PPHLN1: variants seen among roughly 807,000 people sequenced by gnomAD.
PPHLN1 encodes the protein periphilin-1.
Under a neutral mutation model 51.3 loss-of-function variants are expected in PPHLN1, and 29 were observed. The ratio of observed to expected loss-of-function variants is 0.57; its 90% CI spans 0.42 to 0.77. The LOEUF (loss-of-function observed/expected upper bound fraction) is 0.77, where lower values mean the gene tolerates loss of function less well. Ranked by LOEUF, PPHLN1 falls within the 30% of genes least tolerant of loss-of-function variation. The pLI, the probability that PPHLN1 is intolerant of heterozygous loss-of-function variation, is 0.00. For missense variants in PPHLN1, 436 were observed against 438.4 expected (o/e 0.99, Z 0.05); for synonymous variants, 147 against 147.8 (o/e 0.99, Z 0.04).
chr12:42,444,770 T>G (rs985930792), downstream of PPHLN1: 3 of 401,578 alleles, frequency 7.5e-6, no homozygotes, highest in Non-Finnish European at 1.3e-5. Flanking sequence ...CCCTTCCTGC[T>G]GACAAACTAC....
At chr12:42,350,486 C>G (rs550211416) in intron 2 of PPHLN1, among the ~76,000 whole-genome samples, 1 of 147,958 alleles carries the variant, frequency 6.8e-6, no homozygotes, top group South Asian at 2.2e-4. Flanking sequence ...CCAGAGTGGG[C>G]GACTGGGCAG....
downstream of PPHLN1, chr12:42,446,773 A>G: frequency 1.1e-6 from 1 of 888,772 alleles, no homozygotes; most frequent in East Asian, 2.7e-5. Context: ...GAGGTTTTCC[A>G]AAGCTTCAGG....
intron 6 of PPHLN1, among the ~76,000 whole-genome samples, chr12:42,386,314 A>G (rs75602075): frequency 0.01 from 1,550 of 152,318 alleles, 14 homozygotes; most frequent in Non-Finnish European, 0.015. Context: ...GGGAGGTGCA[A>G]AATTGTCCTC....
At chr12:42,388,935 C>G (rs75264858) in intron 7 of PPHLN1, among the ~76,000 whole-genome samples, 194 of 152,226 alleles carry the variant, frequency 1.3e-3, no homozygotes, top group African/African-American at 4.5e-3. Flanking sequence ...GAGCAAGATG[C>G]TGTCTCTGAA....
chr12:42,392,617 ATAAT>A (rs1021028851), intron 7 of PPHLN1, among the ~76,000 whole-genome samples: 3 of 152,242 alleles, frequency 2.0e-5, no homozygotes, highest in African/African-American at 7.2e-5. Flanking sequence ...CCCTAAGGAA[ATAAT>A]TTTTAAATTT....
intron 7 of PPHLN1, 84 bp from the exon 8 acceptor site, chr12:42,393,485 TA>T (rs1439926122): frequency 1.5e-6 from 2 of 1,319,110 alleles, no homozygotes; most frequent in African/African-American, 3.0e-5. Flanking sequence ...TATATGATTT[TA>T]AATGTAAGTG....
intron 9 of PPHLN1, among the ~76,000 whole-genome samples, chr12:42,433,892 TC>T (rs1490263245): frequency 2.6e-5 from 4 of 152,168 alleles, no homozygotes; most frequent in Non-Finnish European, 4.4e-5. Flanking sequence ...GATATTACTA[TC>T]TATATGTATC....
At chr12:42,344,708 ATTTT>A (rs35335129) in intron 2 of PPHLN1, among the ~76,000 whole-genome samples, 4 of 134,090 alleles carry the variant, frequency 3.0e-5, no homozygotes, top group African/African-American at 1.1e-4. Flanking sequence ...AACAGTGTGG[ATTTT>A]TTTTTTTTTT....
At chr12:42,385,386 T>C (rs2077109369) in intron 6 of PPHLN1, among the ~76,000 whole-genome samples, 1 of 152,240 alleles carries the variant, frequency 6.6e-6, no homozygotes, top group Non-Finnish European at 1.5e-5. Flanking sequence ...TATGAATATA[T>C]GTGGGTATAT....
chr12:42,415,995 A>G (rs2080346842), intron 9 of PPHLN1, among the ~76,000 whole-genome samples: 1 of 152,240 alleles, frequency 6.6e-6, no homozygotes, highest in African/African-American at 2.4e-5. Flanking sequence ...ACATTTGATC[A>G]GACTCTTAAA....
intron 9 of PPHLN1, among the ~76,000 whole-genome samples, chr12:42,406,240 T>C (rs889847800): frequency 4.1e-4 from 63 of 152,018 alleles, no homozygotes; most frequent in Admixed American, 3.1e-3. Context: ...CCCGCCACCA[T>C]GCCCGGCTAA....
At chr12:42,397,313 T>C (rs749221426) in intron 8 of PPHLN1, among the ~76,000 whole-genome samples, 6 of 152,356 alleles carry the variant, frequency 3.9e-5, no homozygotes, top group South Asian at 4.1e-4. Flanking sequence ...TTATATTTCA[T>C]TGATGACCTT....
At position 42,352,009 on chromosome 12, in the gene PPHLN1, G is replaced by C. The variant is rs773142845; in HGVS notation, c.197G>C (p.Ser66Thr). 1 of 1,549,520 alleles carries C rather than the reference G, an allele frequency of 6.5e-7. No homozygotes were observed. The highest frequency in any genetic ancestry group is 1.4e-5 in the African/African-American group (1 of 70,894). The change falls in exon 3 of 10, where the codon AGT (serine) becomes ACT (threonine). Residue 66 changes from serine to threonine, a missense_variant. Physicochemically the swap from Ser to Thr is moderately conservative, Grantham distance 58. Coordinates refer to ENST00000358314, the MANE Select transcript of PPHLN1 (RefSeq NM_201439.2). Reference sequence around the variant, plus strand: ...TACCGAGACTATGACGAGGGCCGCAGTTTTTCTCATGATCGAAGAAGTGGT... The same window carrying C: ...TACCGAGACTATGACGAGGGCCGCACTTTTTCTCATGATCGAAGAAGTGGT... Reference protein sequence around the residue: ...VDYRDYDEGRSFSHDRRSGPP... With the variant: ...VDYRDYDEGRTFSHDRRSGPP...
intron 7 of PPHLN1, among the ~76,000 whole-genome samples, chr12:42,389,156 A>G (rs1261964183): frequency 6.6e-6 from 1 of 151,732 alleles, no homozygotes; most frequent in Non-Finnish European, 1.5e-5. Context: ...GCGGATCATG[A>G]GGTCAAGAGA....
At chr12:42,328,812 G>T (rs1411795264) in intron 1 of PPHLN1, among the ~76,000 whole-genome samples, 3 of 151,596 alleles carry the variant, frequency 2.0e-5, no homozygotes, top group Non-Finnish European at 4.4e-5. Flanking sequence ...CAGGTTCAAG[G>T]GATTCTCCTG....
chr12:42,392,459 G>A (rs2077812253), intron 7 of PPHLN1, among the ~76,000 whole-genome samples: 1 of 152,130 alleles, frequency 6.6e-6, no homozygotes, highest in African/African-American at 2.4e-5. Flanking sequence ...AGGTATATTT[G>A]GAATCAGTGA....
chr12:42,446,834 C>T, downstream of PPHLN1: 1 of 483,406 alleles, frequency 2.1e-6, no homozygotes, highest in Non-Finnish European at 3.6e-6. Context: ...TACCCTGAGG[C>T]TGAGGGCGAA....
chr12:42,407,734 G>A (rs560058649), intron 9 of PPHLN1, among the ~76,000 whole-genome samples: 3 of 152,134 alleles, frequency 2.0e-5, no homozygotes, highest in East Asian at 1.9e-4. Context: ...AAATCATCTC[G>A]ATTATTTATA....
chr12:42,382,496 G>A (rs1013937569), intron 5 of PPHLN1, among the ~76,000 whole-genome samples: 1 of 152,054 alleles, frequency 6.6e-6, no homozygotes, highest in African/African-American at 2.4e-5. Context: ...TTGCTCTCAA[G>A]CAGGGAGGTA....
Sources: gnomAD v4.1 joint callset for allele counts (sites outside exome capture counted in the v4.1 genomes callset) on GRCh38, gnomAD v4.1.1 for gene constraint, MANE v1.5 for transcripts, NCBI Gene and HGNC (gene_info 2026-07-23, HGNC 2026-07-21) for gene names.